The following PSMC2 variants were observed in gnomAD, a reference collection of about 807,000 sequenced individuals.
The protein encoded by PSMC2 is proteasome 26S subunit, ATPase 2, also known as 26S proteasome regulatory subunit 7.
In PSMC2, 7 loss-of-function variants were observed where a neutral mutation model predicts 53.3. The observed-to-expected ratio is 0.13, with a 90% confidence interval of 0.07 to 0.25. PSMC2 has a LOEUF of 0.25. Ranked by LOEUF, PSMC2 falls within the 10% of genes least tolerant of loss-of-function variation. PSMC2 has a pLI of 1.00. For synonymous variants in PSMC2, 169 were observed against 183.9 expected, an observed-to-expected ratio of 0.92 and a Z score of 0.66; for missense variants, 241 against 544.0, an observed-to-expected ratio of 0.44 and a Z score of 5.54.
chr7:103,361,686 C>A (rs1361627193), intron 4 of PSMC2, among the ~76,000 whole-genome samples: 3 of 152,036 alleles, frequency 2.0e-5, no homozygotes, highest in Non-Finnish European at 4.4e-5. Context: ...TAAAGGAATA[C>A]AAACTATGGA....
At chr7:103,353,231 A>G (rs1471309463) in intron 1 of PSMC2, among the ~76,000 whole-genome samples, 1 of 152,020 alleles carries the variant, frequency 6.6e-6, no homozygotes, top group Non-Finnish European at 1.5e-5. Context: ...AACCTACCTG[A>G]TTCACTGAAT....
chr7:103,360,993 A>C (rs1435145819), intron 4 of PSMC2, among the ~76,000 whole-genome samples: 1 of 152,138 alleles, frequency 6.6e-6, no homozygotes, highest in African/African-American at 2.4e-5. Flanking sequence ...GCATTCCTGT[A>C]ATGCCAGCTA....
chr7:103,358,288 A>G (rs948595574), intron 4 of PSMC2, among the ~76,000 whole-genome samples: 4 of 152,040 alleles, frequency 2.6e-5, no homozygotes, highest in Middle Eastern at 3.4e-3. Context: ...CTCTTGTTCT[A>G]TTTTGAAATT....
intron 6 of PSMC2, among the ~76,000 whole-genome samples, chr7:103,362,983 G>A (rs1486762016): frequency 8.6e-5 from 13 of 151,886 alleles, no homozygotes; most frequent in Non-Finnish European, 1.6e-4. Context: ...TAGTAGAGAC[G>A]GTGTTTCACC....
rs765356840 is a variant in PSMC2, at chr7:103,355,689, T to C, written c.191-5T>C. On this transcript the variant is annotated splice_region_variant and splice_polypyrimidine_tract_variant and intron_variant, in intron 3 of 11. Transcript: ENST00000292644. ...TAGTAAATTTTGTCATCTTTCTCTATGTAGGTATTAAAGAATCTGACACTG... is the reference window on the plus strand; with the variant it reads ...TAGTAAATTTTGTCATCTTTCTCTACGTAGGTATTAAAGAATCTGACACTG... 4.4e-6 allele frequency: 7 copies of C among 1,608,226 alleles called. No individual in the cohort carries two copies. Among genetic ancestry groups the C allele is most frequent in the African/African-American group, 1.3e-5 (1 of 74,790 alleles).
intron 1 of PSMC2, among the ~76,000 whole-genome samples, chr7:103,349,603 C>T (rs1323763316): frequency 6.6e-6 from 1 of 152,114 alleles, no homozygotes; most frequent in Non-Finnish European, 1.5e-5. Context: ...CACCCCCCCA[C>T]CACACCCAAC....
At chr7:103,362,201 A>T in intron 5 of PSMC2, 113 bp downstream of exon 5, 1 of 1,534,580 alleles carries the variant, frequency 6.5e-7, no homozygotes, top group African/African-American at 1.4e-5. Flanking sequence ...ATACCAAAGG[A>T]TGATCTAGTA....
chr7:103,350,527 C>T (rs984515578), intron 1 of PSMC2, among the ~76,000 whole-genome samples: 3 of 152,112 alleles, frequency 2.0e-5, no homozygotes, highest in Non-Finnish European at 4.4e-5. Flanking sequence ...CTTGCACTGT[C>T]GCTCAAGCTG....
intron 4 of PSMC2, among the ~76,000 whole-genome samples, chr7:103,356,520 A>C (rs1820041162): frequency 6.6e-6 from 1 of 152,338 alleles, no homozygotes; most frequent in Non-Finnish European, 1.5e-5. Flanking sequence ...CAATTTTTAC[A>C]CTTTTGCCAT....
At chr7:103,356,135 T>A (rs1432559401) in intron 4 of PSMC2, among the ~76,000 whole-genome samples, 3 of 152,148 alleles carry the variant, frequency 2.0e-5, no homozygotes, top group Non-Finnish European at 2.9e-5. Flanking sequence ...TGTATTTGCA[T>A]GCAAAGAAAC....
At chr7:103,366,246 G>A (rs1310156877) in intron 9 of PSMC2, 83 bp downstream of exon 9, 3 of 1,267,250 alleles carry the variant, frequency 2.4e-6, no homozygotes, top group Non-Finnish European at 3.4e-6. Context: ...TGTTAATCTT[G>A]TACAGAATTT....
At chr7:103,362,610 G>T in intron 5 of PSMC2, 76 bp from the exon 6 acceptor site, 2 of 1,474,916 alleles carry the variant, frequency 1.4e-6, no homozygotes, top group Middle Eastern at 1.7e-4. Context: ...TATGGTTTTG[G>T]GGATAAAGGA....
chr7:103,349,054 T>C (rs1819670415), intron 1 of PSMC2, among the ~76,000 whole-genome samples: 1 of 152,236 alleles, frequency 6.6e-6, no homozygotes, highest in Non-Finnish European at 1.5e-5. Context: ...GTCCCGTTTG[T>C]AGTCTCATCT....
intron 1 of PSMC2, chr7:103,348,694 C>T (rs1819660949): frequency 6.3e-7 from 1 of 1,589,728 alleles, no homozygotes; most frequent in Admixed American, 1.7e-5. Context: ...CGGTCTGATC[C>T]GGAAATATGG....
chr7:103,353,018 A>C, intron 1 of PSMC2: 1 of 776,390 alleles, frequency 1.3e-6, no homozygotes, highest in Non-Finnish European at 2.4e-6. Context: ...AAAGCACATG[A>C]GTATTGATTT....
intron 4 of PSMC2, among the ~76,000 whole-genome samples, chr7:103,358,765 A>G (rs1451972293): frequency 6.6e-6 from 1 of 152,106 alleles, no homozygotes; most frequent in South Asian, 2.1e-4. Context: ...TCTAGGCCGT[A>G]TGAGGGGAAT....
At chr7:103,352,784 A>C in intron 1 of PSMC2, 1 of 776,632 alleles carries the variant, frequency 1.3e-6, no homozygotes, top group Non-Finnish European at 2.4e-6. Flanking sequence ...CAGAAGTGTT[A>C]AGTGACTTGG....
chr7:103,363,331 G>A lies in PSMC2; in HGVS notation c.496-13G>A, dbSNP rs754594044. 6.3e-7 allele frequency: 1 copy of A among 1,594,166 alleles called. No homozygotes were observed. Among genetic ancestry groups the A allele is most frequent in the Non-Finnish European group, 8.6e-7 (1 of 1,161,934 alleles). On this transcript the variant is annotated splice_polypyrimidine_tract_variant and intron_variant, in intron 6 of 11. Coordinates refer to ENST00000292644, the MANE Select transcript of PSMC2 (RefSeq NM_002803.4). ...CTGTGACTGTATGTTGTACATTTCT[G>A]TCCCTCTCTTAGGTGGAAGAGAAAC...
chr7:103,358,986 A>AT lies in PSMC2; in HGVS notation c.291-2956dup, dbSNP rs550195195. On this transcript the variant is annotated intron_variant, in intron 4 of 11. Transcript: ENST00000292644. Reference sequence around the variant, plus strand: ...TGTATGTGTAATTTTTAGCTTGTGAATTTTTTTTTTTTTTTGAGACAAGGT... The same window carrying AT: ...TGTATGTGTAATTTTTAGCTTGTGAATTTTTTTTTTTTTTTTGAGACAAGGT... 5.3e-3 allele frequency among the ~76,000 whole-genome samples: 763 copies of AT among 143,134 alleles called. 5 individuals are homozygous for AT. The highest frequency in any genetic ancestry group is 0.015 in the African/African-American group (568 of 39,166). The allele number at this position is 143,134 out of a possible 152,430, so 93.9% of individuals were successfully genotyped here.
Sources: allele counts gnomAD v4.1 joint callset (sites outside exome capture counted in the v4.1 genomes callset), GRCh38; gene constraint gnomAD v4.1.1; transcripts MANE v1.5; gene names NCBI Gene and HGNC (gene_info 2026-07-23, HGNC 2026-07-21).